Variants in ZNF282 observed in about 807,000 individuals in gnomAD.
ZNF282 encodes zinc finger protein 282.
ZNF282 carries 30 observed loss-of-function variants against 61.9 expected under a neutral mutation model. The ratio of observed to expected loss-of-function variants is 0.48; its 90% CI spans 0.36 to 0.66. The LOEUF (loss-of-function observed/expected upper bound fraction) is 0.66, where lower values mean the gene tolerates loss of function less well. Ranked by LOEUF, ZNF282 falls within the 30% of genes least tolerant of loss-of-function variation. The probability of loss-of-function intolerance (pLI) is 0.00; values close to 1 mark genes in which losing one functional copy is unlikely to be tolerated. For synonymous variants in ZNF282, 396 were observed against 405.0 expected (o/e 0.98, Z 0.27); for missense variants, 788 against 941.4 (o/e 0.84, Z 2.13).
In ZNF282 at chr7:149,195,711, C is replaced by A. The variant is rs1405608385; in HGVS notation, c.122C>A (p.Pro41Gln). The A allele has an allele frequency of 2.6e-6, 4 of 1,549,366 alleles. No homozygotes were observed. The Admixed American group carries it at 7.7e-5, about 30-fold the overall frequency. The change falls in exon 1 of 8, where the codon CCG becomes CAG. Residue 41 changes from proline to glutamine, a missense_variant. Physicochemically the swap from Pro to Gln is moderately conservative, Grantham distance 76. Coordinates refer to ENST00000610704, the MANE Select transcript of ZNF282 (RefSeq NM_003575.4). ...LPPEEVCHQE[P>Q]ALRGEMAEGM... ...CCGGAGGAGGTCTGCCACCAGGAGC[C>A]GGCGCTGCGCGGGGAAATGGCCGAG...
rs750069152 is a variant in ZNF282, at chr7:149,198,287, A to G, written c.166-46A>G. 1 of 1,541,484 alleles carries G rather than the reference A, an allele frequency of 6.5e-7. No individual in the cohort carries two copies. The highest frequency in any genetic ancestry group is 8.7e-7 in the Non-Finnish European group (1 of 1,143,484). ...TGTTCCCAGCTGACTTCCCCGGCTC[A>G]CACAAGGTCTCATCCTGGGTTGTCG... is the stretch of plus-strand genomic sequence containing the variant. On this transcript the variant is annotated intron_variant, in intron 1 of 7. Transcript: ENST00000610704. This position sits in a 1 kb window ranked among gnomAD's most constrained non-coding sequence, Gnocchi z 4.3.
Position 149,224,743 on chromosome 7 carries a change from TC to T in ZNF282, c.*97del. The T allele has an allele frequency of 1.4e-6, 2 of 1,436,852 alleles. No individual in the cohort carries two copies. Among genetic ancestry groups the T allele is most frequent in the East Asian group, 5.0e-5 (2 of 39,966 alleles). 89.0% of individuals were successfully genotyped at this position (1,436,852 alleles called of 1,614,324 possible). ...GGTGTCCTCAGCCACCGTCTGGAAATCGGCAACAGGCATTGCACTCCGGTTG... is the reference window on the plus strand; with the variant it reads ...GGTGTCCTCAGCCACCGTCTGGAAATGGCAACAGGCATTGCACTCCGGTTG... On this transcript the variant is annotated 3_prime_UTR_variant, in exon 8 of 8. Transcript: ENST00000610704.
chr7:149,208,913 C>T (rs1476995581), intron 4 of ZNF282, among the ~76,000 whole-genome samples: 7 of 148,502 alleles, frequency 4.7e-5, no homozygotes, highest in Admixed American at 2.1e-4. Context: ...TCCAGCTACT[C>T]GGGAGGCTGA....
In ZNF282 at chr7:149,195,721, C is replaced by T. The variant is rs1795804440; in HGVS notation, c.132C>T (p.Arg44=). 1.3e-6 allele frequency: 2 copies of T among 1,543,790 alleles called. No individual in the cohort carries two copies. The highest frequency in any genetic ancestry group is 2.6e-5 in the East Asian group (1 of 39,026). Residue 44 remains arginine, a synonymous_variant, in exon 1 of 8, where the codon CGC becomes CGT. Coordinates refer to ENST00000610704, the MANE Select transcript of ZNF282 (RefSeq NM_003575.4). ...TCTGCCACCAGGAGCCGGCGCTGCG[C>T]GGGGAAATGGCCGAGGGAATGCCGC... The part of the protein sequence containing the change: ...EEVCHQEPAL[R]GEMAEGMPPM...
rs1796338078 is a variant in ZNF282, at chr7:149,224,739, G to T, written c.*92G>T. 3 of 1,437,772 alleles carry T rather than the reference G, an allele frequency of 2.1e-6. No homozygotes were observed. Among genetic ancestry groups the T allele is most frequent in the Non-Finnish European group, 2.7e-6 (3 of 1,101,190 alleles). The allele number at this position is 1,437,772 out of a possible 1,614,324, so 89.1% of individuals were successfully genotyped here. A position where few individuals can be genotyped will look rare whatever the true frequency, so the allele number is the denominator to read the frequency against. On this transcript the variant is annotated 3_prime_UTR_variant, in exon 8 of 8. Transcript: ENST00000610704. ...GCCGGGTGTCCTCAGCCACCGTCTG[G>T]AAATCGGCAACAGGCATTGCACTCC... is the stretch of plus-strand genomic sequence containing the variant.
At chr7:149,212,719 T>C (rs1796107369) in intron 6 of ZNF282, among the ~76,000 whole-genome samples, 1 of 152,140 alleles carries the variant, frequency 6.6e-6, no homozygotes, top group Non-Finnish European at 1.5e-5. Flanking sequence ...TAGCTGAGAT[T>C]ACAGGCATGT....
rs1796314063 is a variant in ZNF282 at position 149,224,063 on chromosome 7, G to A, written c.1432G>A (p.Asp478Asn). Residue 478 changes from aspartate (D) to asparagine (N), a missense_variant, in exon 8 of 8, where the codon GAT becomes AAT. By Grantham distance (23) the Asp-to-Asn change is conservative (BLOSUM62 1). Transcript: ENST00000610704. The part of the protein sequence containing the change: ...GDRSTGGGGG[D>N]GGGGGGGAEA... ...CCGCAGCACCGGGGGCGGCGGGGGCGATGGGGGCGGTGGGGGCGGCGGCGC... is the reference window on the plus strand; with the variant it reads ...CCGCAGCACCGGGGGCGGCGGGGGCAATGGGGGCGGTGGGGGCGGCGGCGC... 3.5e-6 allele frequency: 4 copies of A among 1,149,270 alleles called. No individual in the cohort carries two copies. The highest frequency in any genetic ancestry group is 4.3e-6 in the Non-Finnish European group (4 of 930,978). The allele number at this position is 1,149,270 out of a possible 1,614,324, so 71.2% of individuals were successfully genotyped here.
rs745847166 is a variant in ZNF282, at chr7:149,210,581, C to T, written c.833-4C>T. 6.2e-7 allele frequency: 1 copy of T among 1,610,250 alleles called. No individual in the cohort carries two copies. Among genetic ancestry groups the T allele is most frequent in the South Asian group, 1.1e-5 (1 of 90,050 alleles). On this transcript the variant is annotated splice_polypyrimidine_tract_variant and splice_region_variant and intron_variant, in intron 4 of 7. Transcript: ENST00000610704. ...CACAAAGCAATGTCATTCTCTGTCC[C>T]CAGGAGCAGAGCCCCTGGTGCCTGC...
chr7:149,219,613 G>A (rs532093341), intron 7 of ZNF282, among the ~76,000 whole-genome samples: 3 of 152,176 alleles, frequency 2.0e-5, no homozygotes, highest in South Asian at 2.1e-4. Flanking sequence ...TTGGGAGGCC[G>A]AGGCAGGTGG....
chr7:149,203,199 C>T (rs146010542), intron 2 of ZNF282, among the ~76,000 whole-genome samples: 61 of 152,298 alleles, frequency 4.0e-4, no homozygotes, highest in African/African-American at 1.3e-3. Context: ...TGTGTCTCAG[C>T]GCATATCCTT....
At chr7:149,204,494 C>T (rs1239218495) in intron 2 of ZNF282, among the ~76,000 whole-genome samples, 1 of 152,086 alleles carries the variant, frequency 6.6e-6, no homozygotes, top group African/African-American at 2.4e-5. Context: ...CCCTGAAGGA[C>T]GGAGCCAGTA....
intron 7 of ZNF282, among the ~76,000 whole-genome samples, chr7:149,216,947 C>A (rs1796167712): frequency 6.6e-6 from 1 of 152,056 alleles, no homozygotes; most frequent in Non-Finnish European, 1.5e-5. Flanking sequence ...TTCAGTTTGC[C>A]CAAAGTTAAT....
chr7:149,209,238 C>T (rs1182038383), intron 4 of ZNF282, among the ~76,000 whole-genome samples: 5 of 151,428 alleles, frequency 3.3e-5, no homozygotes, highest in African/African-American at 4.9e-5. Context: ...AGGAGGATGG[C>T]GTGAACCCGG....
chr7:149,211,840 A>G (rs554935147), intron 5 of ZNF282, among the ~76,000 whole-genome samples: 1 of 152,364 alleles, frequency 6.6e-6, no homozygotes, highest in Non-Finnish European at 1.5e-5. Flanking sequence ...TAAGAAGGCA[A>G]TAAGGTGTAA....
Position 149,225,756 on chromosome 7 carries a change from A to G in ZNF282, c.*1109A>G, listed in dbSNP as rs1024478935. 5 of 152,698 alleles carry G rather than the reference A, an allele frequency of 3.3e-5. No homozygotes were observed. Among genetic ancestry groups the G allele is most frequent in the Non-Finnish European group, 5.9e-5 (4 of 68,118 alleles). 9.5% of individuals were successfully genotyped at this position (152,698 alleles called of 1,614,324 possible). A position where few individuals can be genotyped will look rare whatever the true frequency, so the allele number is the denominator to read the frequency against. On this transcript the variant is annotated 3_prime_UTR_variant, in exon 8 of 8. Transcript: ENST00000610704. ...TGCCCTGGGCCTCCCAATTGGTGCT[A>G]TCTGTTACTGCCCGTGCTCACGGAC...
intron 4 of ZNF282, among the ~76,000 whole-genome samples, chr7:149,209,724 CTT>C (rs1389765039): frequency 6.6e-6 from 1 of 152,128 alleles, no homozygotes; most frequent in African/African-American, 2.4e-5. Context: ...GATTCTTTGT[CTT>C]CTCTCTTTCC....
intron 5 of ZNF282, among the ~76,000 whole-genome samples, chr7:149,211,868 C>T (rs944585651): frequency 1.3e-5 from 2 of 152,132 alleles, no homozygotes; most frequent in Non-Finnish European, 2.9e-5. Context: ...TTCAGAGACT[C>T]TGTAGAAGAA....
intron 3 of ZNF282, among the ~76,000 whole-genome samples, 198 bp downstream of exon 3, chr7:149,207,020 C>G (rs1563176806): frequency 1.3e-5 from 2 of 152,106 alleles, no homozygotes; most frequent in African/African-American, 4.8e-5. Context: ...GTAACAGGGC[C>G]CATTACCATA....
At chr7:149,215,968 T>C (rs942240042) in intron 7 of ZNF282, among the ~76,000 whole-genome samples, 2 of 152,228 alleles carry the variant, frequency 1.3e-5, no homozygotes, top group Non-Finnish European at 2.9e-5. Flanking sequence ...GAGCCTGTTC[T>C]TGGGGACTTG....
Sources: allele counts gnomAD v4.1 joint callset (sites outside exome capture counted in the v4.1 genomes callset), GRCh38; gene constraint gnomAD v4.1.1; non-coding constraint Gnocchi (gnomAD v3.1); transcripts MANE v1.5; gene names NCBI Gene and HGNC (gene_info 2026-07-23, HGNC 2026-07-21).